Variants in CDH12 observed in about 807,000 individuals in gnomAD.
CDH12 encodes cadherin-12.
CDH12 carries 41 observed loss-of-function variants against 74.1 expected under a neutral mutation model. The observed-to-expected ratio is 0.55, with a 90% CI of 0.43 to 0.72. The LOEUF is 0.72. Among genes scored for constraint, CDH12 ranks in the 30% least tolerant of loss-of-function variants. The pLI, the probability that CDH12 is intolerant of heterozygous loss-of-function variation, is 0.00. For synonymous variants in CDH12, 399 were observed against 355.0 expected (o/e 1.12, Z -1.39); for missense variants, 945 against 977.2 (o/e 0.97, Z 0.44).
rs548505072 is a variant in CDH12, at chr5:22,539,847, CA to C, written c.-522-34484del. On this transcript the variant is annotated intron_variant, in intron 1 of 14. Coordinates refer to ENST00000382254, the MANE Select transcript of CDH12 (RefSeq NM_004061.5). Reference sequence around the variant, plus strand: ...GGTTATAAAAATCGTATCTCTGAAACAGAACCCAATCTTGGTTTCAAATGAT... The same window carrying C: ...GGTTATAAAAATCGTATCTCTGAAACGAACCCAATCTTGGTTTCAAATGAT... Among the ~76,000 whole-genome samples, 12 of 152,190 alleles carry C rather than the reference CA, an allele frequency of 7.9e-5. No homozygotes were observed. In the South Asian group the frequency reaches 1.0e-3, roughly 13 times the overall value.
At chr5:22,234,114 T>C (rs905604079) in intron 3 of CDH12, among the ~76,000 whole-genome samples, 7 of 152,208 alleles carry the variant, frequency 4.6e-5, no homozygotes, top group African/African-American at 1.7e-4. Flanking sequence ...TTCAAACTCA[T>C]TTGTCTGCAA....
chr5:22,290,179 A>C (rs1737321065), intron 3 of CDH12, among the ~76,000 whole-genome samples: 1 of 150,824 alleles, frequency 6.6e-6, no homozygotes, highest in South Asian at 2.1e-4. Flanking sequence ...GATTAAAATA[A>C]ATACTTACTA....
chr5:22,030,780 C>T (rs1427091159), intron 5 of CDH12, among the ~76,000 whole-genome samples: 4 of 152,138 alleles, frequency 2.6e-5, no homozygotes, highest in African/African-American at 7.2e-5. Context: ...GTTGTTTGGT[C>T]CACTTTGAAA....
intron 3 of CDH12, among the ~76,000 whole-genome samples, chr5:22,262,422 T>C (rs1274932109): frequency 2.0e-5 from 3 of 151,980 alleles, no homozygotes; most frequent in Admixed American, 2.0e-4. Context: ...TCCAATTTCA[T>C]CCATGTCCCT....
chr5:22,078,879 C>A lies in CDH12; in HGVS notation c.-186-17G>T. 7.9e-7 allele frequency: 1 copy of A among 1,270,158 alleles called. No homozygotes were observed. The highest frequency in any genetic ancestry group is 3.6e-5 in the Admixed American group (1 of 27,708). The allele number at this position is 1,270,158 out of a possible 1,614,324, so 78.7% of individuals were successfully genotyped here. A position where few individuals can be genotyped will look rare whatever the true frequency, so the allele number is the denominator to read the frequency against. ...TAAAGGGGCCTATGAAATAGATGAACAAAGATACATTAAATTAATGAAATT... is the reference window on the plus strand; with the variant it reads ...TAAAGGGGCCTATGAAATAGATGAAAAAAGATACATTAAATTAATGAAATT... On this transcript the variant is annotated splice_polypyrimidine_tract_variant and intron_variant, in intron 4 of 14. Coordinates refer to ENST00000382254, the MANE Select transcript of CDH12 (RefSeq NM_004061.5).
rs184422848 is a variant in CDH12, at chr5:22,144,087, C to T, written c.-186-65225G>A. Reference sequence around the variant, plus strand: ...TATTTTTACCAGTATTCTCAGACCACTTCTACCAAAACATAAATCTGTGAT... The same window carrying T: ...TATTTTTACCAGTATTCTCAGACCATTTCTACCAAAACATAAATCTGTGAT... On this transcript the variant is annotated intron_variant, in intron 4 of 14. Coordinates refer to ENST00000382254, the MANE Select transcript of CDH12 (RefSeq NM_004061.5). The T allele has an allele frequency of 3.9e-3, 598 of 152,276 alleles. 2 individuals carry two copies. The highest frequency in any genetic ancestry group is 0.014 in the African/African-American group (568 of 41,580). The allele number at this position is 152,276 out of a possible 1,614,324, so 9.4% of individuals were successfully genotyped here. A position where few individuals can be genotyped will look rare whatever the true frequency, so the allele number is the denominator to read the frequency against.
chr5:22,016,364 C>T lies in CDH12; in HGVS notation c.232-40979G>A, dbSNP rs551094864. Among the ~76,000 whole-genome samples the T allele has an allele frequency of 1.2e-3, 185 of 152,054 alleles. 1 individual carries two copies. Among genetic ancestry groups the T allele is most frequent in the African/African-American group, 4.2e-3 (173 of 41,480 alleles). On this transcript the variant is annotated intron_variant, in intron 5 of 14. Transcript: ENST00000382254. ...GCCATATACTTTGTAATCTTTTCTG[C>T]TCCCATTTATAGAATCACTTATATA...
intron 4 of CDH12, among the ~76,000 whole-genome samples, chr5:22,172,170 G>T (rs1007866789): frequency 2.0e-5 from 3 of 151,842 alleles, no homozygotes; most frequent in African/African-American, 7.3e-5. Context: ...AATGATTTGG[G>T]CTGTAAATAA....
intron 4 of CDH12, among the ~76,000 whole-genome samples, chr5:22,104,714 C>A (rs1744330127): frequency 2.0e-5 from 3 of 152,146 alleles, no homozygotes; most frequent in Admixed American, 2.0e-4. Context: ...CCTCCAGAAT[C>A]CTCTTTACTT....
rs763451842 is a variant in CDH12 at position 21,755,800 on chromosome 5, C to T, written c.1676G>A (p.Arg559His). ...GAGGAAATACAACTCTTGCTGCCTG[C>T]GGCTGTATCCATTTCTTCGGGTTTC... Reference protein sequence around the residue: ...GIETRRNGYSRRQQELYFLPV... With the variant: ...GIETRRNGYSHRQQELYFLPV... The change falls in exon 14 of 15, where the codon CGC (arginine) becomes CAC (histidine). Residue 559 changes from arginine (R) to histidine (H), a missense_variant. Physicochemically the swap from Arg to His is conservative, Grantham distance 29. This residue lies in a region of CDH12 where 791 missense variants were observed against 792.8 expected (regional missense o/e 1.00). Coordinates refer to ENST00000382254, the MANE Select transcript of CDH12 (RefSeq NM_004061.5). 1.1e-5 allele frequency: 17 copies of T among 1,613,690 alleles called. No homozygotes were observed. The highest frequency in any genetic ancestry group is 8.8e-5 in the South Asian group (8 of 91,074).
intron 2 of CDH12, among the ~76,000 whole-genome samples, chr5:22,433,856 T>C (rs186183973): frequency 6.6e-6 from 1 of 152,316 alleles, no homozygotes; most frequent in Admixed American, 6.5e-5. Context: ...TAATGAGTTG[T>C]AGCATGAGGA....
At chr5:21,982,350 TG>T (rs1284352297) in intron 5 of CDH12, among the ~76,000 whole-genome samples, 1 of 152,050 alleles carries the variant, frequency 6.6e-6, no homozygotes, top group Non-Finnish European at 1.5e-5. Flanking sequence ...GAAGCTATCC[TG>T]GGTCTACAGT....
At chr5:21,796,491 C>T (rs555010179) in intron 10 of CDH12, among the ~76,000 whole-genome samples, 3 of 151,888 alleles carry the variant, frequency 2.0e-5, no homozygotes, top group Non-Finnish European at 4.4e-5. Flanking sequence ...CTTTATGAGT[C>T]GGGGAACAAT....
chr5:22,452,163 G>A (rs1435518100), intron 2 of CDH12, among the ~76,000 whole-genome samples: 1 of 151,818 alleles, frequency 6.6e-6, no homozygotes, highest in African/African-American at 2.4e-5. Flanking sequence ...GTGACATAGA[G>A]GTTCAACACA....
At chr5:22,829,466 C>A (rs1291254087) in intron 1 of CDH12, among the ~76,000 whole-genome samples, 1 of 151,980 alleles carries the variant, frequency 6.6e-6, no homozygotes, top group Admixed American at 6.6e-5. Flanking sequence ...ATTAGTGGTC[C>A]CAGTTATTTC....
At chr5:21,970,876 A>T (rs1350505376) in intron 6 of CDH12, among the ~76,000 whole-genome samples, 3 of 128,210 alleles carry the variant, frequency 2.3e-5, no homozygotes, top group Non-Finnish European at 3.4e-5. Context: ...AAAAAAAAAG[A>T]AAAAAGAAAA....
intron 6 of CDH12, among the ~76,000 whole-genome samples, chr5:21,930,317 T>G (rs1233314468): frequency 1.3e-5 from 2 of 152,206 alleles, no homozygotes; most frequent in Non-Finnish European, 2.9e-5. Flanking sequence ...TAGTCATGAT[T>G]GTGGAGGAAA....
At chr5:22,829,377 T>C (rs1404769673) in intron 1 of CDH12, among the ~76,000 whole-genome samples, 1 of 152,220 alleles carries the variant, frequency 6.6e-6, no homozygotes, top group Non-Finnish European at 1.5e-5. Flanking sequence ...AGATACACGA[T>C]ATTTTATAGA....
chr5:22,648,342 A>T (rs1739550879), intron 1 of CDH12, among the ~76,000 whole-genome samples: 1 of 151,892 alleles, frequency 6.6e-6, no homozygotes, highest in Admixed American at 6.6e-5. Context: ...ATCTACTACT[A>T]TAATTTACAG....
Sources: gnomAD v4.1 joint callset for allele counts (sites outside exome capture counted in the v4.1 genomes callset) on GRCh38, gnomAD v4.1.1 for gene constraint, gnomAD v4.1.1 regional missense constraint, MANE v1.5 for transcripts, NCBI Gene and HGNC (gene_info 2026-07-23, HGNC 2026-07-21) for gene names.